RTEL1: variants seen among roughly 807,000 people sequenced by gnomAD.
RTEL1 encodes the protein regulator of telomere elongation helicase 1, also known as regulator of telomere length.
Under a neutral mutation model 162.2 loss-of-function variants are expected in RTEL1, and 86 were observed. The ratio of observed to expected loss-of-function variants is 0.53; its 90% confidence interval spans 0.45 to 0.63. The LOEUF is 0.63. Ranked by LOEUF, RTEL1 falls within the 30% of genes least tolerant of loss-of-function variation. The pLI, the probability that RTEL1 is intolerant of heterozygous loss-of-function variation, is 0.00. For synonymous variants in RTEL1, 958 were observed against 717.9 expected (o/e 1.33, Z -5.35); for missense variants, 1,941 against 1,750.2 (o/e 1.11, Z -1.95).
intron 12 of RTEL1, among the ~76,000 whole-genome samples, chr20:63,679,183 C>T (rs1345144925): frequency 6.6e-6 from 1 of 152,178 alleles, no homozygotes; most frequent in East Asian, 1.9e-4. Flanking sequence ...GATGAGGAGT[C>T]AGGGCTGGGG....
intron 4 of RTEL1, 61 bp downstream of exon 4, chr20:63,662,004 C>T (rs1039700215): frequency 3.8e-5 from 48 of 1,259,156 alleles, no homozygotes; most frequent in Middle Eastern, 1.9e-4. Flanking sequence ...TGGCATGGTG[C>T]TGAGTCCACA....
At position 63,692,947 on chromosome 20, in the gene RTEL1, C is replaced by T. The variant is rs1239433355; in HGVS notation, c.2795C>T (p.Ala932Val). 15 of 1,612,550 alleles carry T rather than the reference C, an allele frequency of 9.3e-6. No individual in the cohort carries two copies. Among genetic ancestry groups the T allele is most frequent in the African/African-American group, 2.7e-5 (2 of 74,944 alleles). ...YKGSDDFAAL[A>V]ACLGPLFAED... ...GGTTCCGATGACTTCGCCGCCCTGG[C>T]CGCCTGTCTCGGCCCCCTCTTTGCT... is the stretch of plus-strand genomic sequence containing the variant. Residue 932 changes from alanine to valine, a missense_variant, in exon 29 of 35, where the codon GCC (alanine) becomes GTC (valine). Ala to Val is a moderately conservative substitution (Grantham distance 64). Transcript: ENST00000360203.
chr20:63,688,879 C>T (rs528195171), intron 21 of RTEL1, 176 bp from the exon 22 acceptor site: 4 of 705,476 alleles, frequency 5.7e-6, no homozygotes, highest in African/African-American at 1.8e-5. Context: ...CTGGGAAGCA[C>T]TGAGCAGGCG....
chr20:63,693,579 A>ACCACCT, intron 30 of RTEL1, among the ~76,000 whole-genome samples: 1 of 47,616 alleles, frequency 2.1e-5, no homozygotes, highest in Non-Finnish European at 4.3e-5. Flanking sequence ...CTCCACCTCC[A>ACCACCT]CCACCACCAC....
intron 14 of RTEL1, chr20:63,682,263 GA>G (rs756839637): frequency 1.0e-6 from 1 of 985,236 alleles, no homozygotes; most frequent in Non-Finnish European, 1.2e-6. Flanking sequence ...CTCTGGAACC[GA>G]ATCCTGGAAC....
chr20:63,662,362 C>T, intron 4 of RTEL1, 184 bp from the exon 5 acceptor site: 1 of 1,224,796 alleles, frequency 8.2e-7, no homozygotes, highest in Non-Finnish European at 1.2e-6. Flanking sequence ...GTCGAATCTC[C>T]TCCCTCTGTC....
chr20:63,693,375 C>T lies in RTEL1; in HGVS notation c.2992+92C>T, dbSNP rs375099029. 1.8e-5 allele frequency: 27 copies of T among 1,480,658 alleles called. No individual in the cohort carries two copies. In the South Asian group the frequency reaches 2.3e-4, roughly 13 times the overall value. The allele number at this position is 1,480,658 out of a possible 1,614,324, so 91.7% of individuals were successfully genotyped here. On this transcript the variant is annotated intron_variant, in intron 30 of 34. Transcript: ENST00000360203. ...GCTGCTTGGGGTGGGCATCCTCGGG[C>T]CCTGCTTGGCCCCGCCTCTCTGTTC... is the stretch of plus-strand genomic sequence containing the variant.
intron 22 of RTEL1, among the ~76,000 whole-genome samples, 178 bp from the exon 23 acceptor site, chr20:63,689,324 C>A (rs1461625466): frequency 6.6e-6 from 1 of 152,184 alleles, no homozygotes; most frequent in Non-Finnish European, 1.5e-5. Context: ...TTCCTGGCCA[C>A]AAGAGTTGGA....
Position 63,678,116 on chromosome 20 carries a change from ACTGCCTTTG to A in RTEL1, c.920-20_920-12del, listed in dbSNP as rs781615421. On this transcript the variant is annotated intron_variant, in intron 10 of 34. Transcript: ENST00000360203. ...GGTTGTTGGCACGAGCGTGATGCAG[ACTGCCTTTG>A]CTGCCTTTCTCTTGCCCAGGGCTGA... 6 of 1,614,114 alleles carry A rather than the reference ACTGCCTTTG, an allele frequency of 3.7e-6. No individual in the cohort carries two copies. The highest frequency in any genetic ancestry group is 4.2e-6 in the Non-Finnish European group (5 of 1,179,990).
chr20:63,670,666 C>T (rs866608468), intron 8 of RTEL1, among the ~76,000 whole-genome samples: 53 of 152,040 alleles, frequency 3.5e-4, no homozygotes, highest in Admixed American at 1.0e-3. Context: ...ACAGCCGAGC[C>T]GGGAGAAGGG....
chr20:63,693,858 C>A (rs949959315), intron 30 of RTEL1, among the ~76,000 whole-genome samples: 3 of 148,358 alleles, frequency 2.0e-5, no homozygotes. Flanking sequence ...ACAGCCCTGT[C>A]CAACTGCCAC....
upstream of RTEL1, chr20:63,658,084 G>T (rs2089945574): frequency 6.6e-6 from 1 of 152,426 alleles, no homozygotes; most frequent in Admixed American, 6.5e-5. Context: ...TAGAGAGGCG[G>T]TAGTGGAACG....
chr20:63,682,814 C>T (rs1188367555), intron 14 of RTEL1, among the ~76,000 whole-genome samples: 5 of 152,312 alleles, frequency 3.3e-5, no homozygotes, highest in Admixed American at 2.6e-4. Flanking sequence ...AGGCCGTGTG[C>T]TCGGAAGTCA....
intron 30 of RTEL1, among the ~76,000 whole-genome samples, chr20:63,693,950 T>C (rs1948227303): frequency 6.6e-6 from 1 of 151,332 alleles, no homozygotes; most frequent in African/African-American, 2.4e-5. Context: ...CTGTCCTCCC[T>C]GTTTCTGCCT....
Position 63,666,044 on chromosome 20 carries a change from C to T in RTEL1, c.579C>T (p.Asp193=). Residue 193 remains aspartate, a synonymous_variant, in exon 7 of 35, where the codon GAC becomes GAT. Transcript: ENST00000360203. ...AGGAGCTGGCCAGCCCCATCCTGGA[C>T]ATTGAGGACTTGGTCAAGAGCGGAA... ...LEQELASPIL[D]IEDLVKSGSK... is the part of the protein sequence containing the mutation. 6.2e-7 allele frequency: 1 copy of T among 1,614,174 alleles called. No individual in the cohort carries two copies. Among genetic ancestry groups the T allele is most frequent in the African/African-American group, 1.3e-5 (1 of 75,050 alleles).
At chr20:63,689,704 C>G (rs769401358) in intron 23 of RTEL1, 46 bp from the exon 24 acceptor site, 39 of 1,604,932 alleles carry the variant, frequency 2.4e-5, no homozygotes, top group Non-Finnish European at 3.0e-5. Context: ...GAGCCCCCGC[C>G]CCGTGGCCAA....
chr20:63,680,746 C>T, intron 14 of RTEL1, 27 bp downstream of exon 14: 1 of 1,612,986 alleles, frequency 6.2e-7, no homozygotes, highest in Non-Finnish European at 8.5e-7. Flanking sequence ...TGTGGCATCT[C>T]CTTCCCTGAT....
rs762062364 is a variant in RTEL1, at chr20:63,693,108, G to C, written c.2852-35G>C. 7 of 1,611,900 alleles carry C rather than the reference G, an allele frequency of 4.3e-6. No individual in the cohort carries two copies. In the East Asian group the frequency reaches 6.7e-5, roughly 15 times the overall value. On this transcript the variant is annotated intron_variant, in intron 29 of 34. Coordinates refer to ENST00000360203, the MANE Select transcript of RTEL1 (RefSeq NM_001283009.2). ...GTGGTCTCTGTTCTCTAGAGAAAAA[G>C]GGGCAGATGGGGACAGACGCCCCTT...
chr20:63,694,217 G>C, intron 30 of RTEL1, 155 bp from the exon 31 acceptor site: 1 of 668,128 alleles, frequency 1.5e-6, no homozygotes, highest in Non-Finnish European at 2.7e-6. Context: ...TGTCTCCTCT[G>C]ATGCCCCCAG....
Sources: allele counts gnomAD v4.1 joint callset (sites outside exome capture counted in the v4.1 genomes callset), GRCh38; gene constraint gnomAD v4.1.1; transcripts MANE v1.5; gene names NCBI Gene and HGNC (gene_info 2026-07-23, HGNC 2026-07-21).